Variants in TTLL5 observed in about 807,000 individuals in gnomAD.
TTLL5 encodes the protein tubulin polyglutamylase TTLL5.
In TTLL5, 132 loss-of-function variants were observed where a neutral mutation model predicts 168.4. That is an observed-to-expected ratio of 0.78 (90% CI 0.68 to 0.91). TTLL5 has a LOEUF of 0.91. TTLL5 is among the 40% of genes least tolerant of loss of function. The pLI is 0.00. For missense variants in TTLL5, 1,545 were observed against 1,581.5 expected, an observed-to-expected ratio of 0.98 and a Z score of 0.39; for synonymous variants, 546 against 558.6, an observed-to-expected ratio of 0.98 and a Z score of 0.32.
Position 75,776,736 on chromosome 14 carries a change from G to A in TTLL5, c.2284-11G>A. ...CTTGTTGTTTTTCTGTGGGGTTTGG[G>A]CACTGGGTAGGAAACAGAACAAATG... On this transcript the variant is annotated splice_polypyrimidine_tract_variant and intron_variant, in intron 22 of 31. Coordinates refer to ENST00000298832, the MANE Select transcript of TTLL5 (RefSeq NM_015072.5). 6.2e-7 allele frequency: 1 copy of A among 1,607,996 alleles called. No homozygotes were observed. The highest frequency in any genetic ancestry group is 8.5e-7 in the Non-Finnish European group (1 of 1,176,006).
rs776026435 is a variant in TTLL5, at chr14:75,757,846, A to G, written c.1550+4891A>G. On this transcript the variant is annotated intron_variant, in intron 18 of 31. Transcript: ENST00000298832. ...GCTTCTGTAGGGGAAACCCAAGAAGAAGCTTATTGACAGGAAGAACACGGT... is the reference window on the plus strand; with the variant it reads ...GCTTCTGTAGGGGAAACCCAAGAAGGAGCTTATTGACAGGAAGAACACGGT... 4.4e-6 allele frequency: 7 copies of G among 1,592,898 alleles called. No homozygotes were observed. The African/African-American group carries it at 8.0e-5, about 18-fold the overall frequency.
Position 75,820,174 on chromosome 14 carries a change from C to A in TTLL5, c.3326+13C>A. The A allele has an allele frequency of 6.4e-7, 1 of 1,562,626 alleles. No individual in the cohort carries two copies. The highest frequency in any genetic ancestry group is 2.4e-5 in the East Asian group (1 of 41,792). ...CTCCTGGAAGCAGGTATGTGAAGGG[C>A]CCTGCAACTAGCATTTGGGTTACTC... is the stretch of plus-strand genomic sequence containing the variant. On this transcript the variant is annotated intron_variant, in intron 28 of 31. Coordinates refer to ENST00000298832, the MANE Select transcript of TTLL5 (RefSeq NM_015072.5).
At chr14:75,667,864 G>A (rs1347853077) in intron 2 of TTLL5, among the ~76,000 whole-genome samples, 1 of 145,606 alleles carries the variant, frequency 6.9e-6, no homozygotes, top group Non-Finnish European at 1.5e-5. Flanking sequence ...AGGTTCAACT[G>A]ATTCTTCTGC....
At chr14:75,720,321 G>T (rs1887763160) in intron 11 of TTLL5, among the ~76,000 whole-genome samples, 1 of 152,282 alleles carries the variant, frequency 6.6e-6, no homozygotes, top group Middle Eastern at 3.4e-3. Context: ...GGTCATAGGG[G>T]AAGTGTGAGA....
intron 31 of TTLL5, among the ~76,000 whole-genome samples, chr14:75,903,375 A>G (rs1254792313): frequency 6.6e-6 from 1 of 151,918 alleles, no homozygotes; most frequent in Non-Finnish European, 1.5e-5. Flanking sequence ...GGGAAGTGAA[A>G]ACGTGCTGTG....
At chr14:75,683,885 TGCCTCA>T (rs1884822766) in intron 5 of TTLL5, 1 of 374,666 alleles carries the variant, frequency 2.7e-6, no homozygotes, top group Non-Finnish European at 5.1e-6. Flanking sequence ...GCAATTCTCC[TGCCTCA>T]GCCTACCCAG....
intron 3 of TTLL5, among the ~76,000 whole-genome samples, chr14:75,675,029 T>TA (rs1396043195): frequency 1.1e-4 from 16 of 152,156 alleles, no homozygotes; most frequent in African/African-American, 3.9e-4. Flanking sequence ...TTATAACTTT[T>TA]ATAGTTTAAA....
intron 30 of TTLL5, among the ~76,000 whole-genome samples, chr14:75,899,024 ATAGACT>A (rs1306654151): frequency 6.6e-6 from 1 of 152,206 alleles, no homozygotes; most frequent in Non-Finnish European, 1.5e-5. Flanking sequence ...CTGTATGTAG[ATAGACT>A]TATAGTGAAT....
chr14:75,666,131 TA>T (rs1883242512), intron 2 of TTLL5, among the ~76,000 whole-genome samples: 1 of 152,238 alleles, frequency 6.6e-6, no homozygotes. Context: ...TTAGGAAGCT[TA>T]AATCAATCTT....
chr14:75,824,460 T>G (rs936235278), intron 28 of TTLL5, among the ~76,000 whole-genome samples: 1 of 152,180 alleles, frequency 6.6e-6, no homozygotes, highest in Non-Finnish European at 1.5e-5. Flanking sequence ...GAGGGTCGTA[T>G]GCTCAGTGAA....
At chr14:75,765,541 T>C (rs1260799257) in intron 19 of TTLL5, among the ~76,000 whole-genome samples, 1 of 152,098 alleles carries the variant, frequency 6.6e-6, no homozygotes, top group East Asian at 1.9e-4. Context: ...ATGTATACTT[T>C]AATGAAGATT....
In TTLL5 at chr14:75,954,751, C is replaced by G; in HGVS notation, c.*305C>G. On this transcript the variant is annotated 3_prime_UTR_variant, in exon 32 of 32. Coordinates refer to ENST00000298832, the MANE Select transcript of TTLL5 (RefSeq NM_015072.5). ...TTTACCTTCCCTTTGCCCCATGCCC[C>G]CAAACTGCTTAGGTCTTCTCTGTCC... is the stretch of plus-strand genomic sequence containing the variant. 2.3e-6 allele frequency: 1 copy of G among 428,336 alleles called. No homozygotes were observed. Among genetic ancestry groups the G allele is most frequent in the South Asian group, 4.5e-5 (1 of 22,060 alleles). The allele number at this position is 428,336 out of a possible 1,614,324, so 26.5% of individuals were successfully genotyped here.
At chr14:75,810,030 T>C (rs1477885794) in intron 27 of TTLL5, among the ~76,000 whole-genome samples, 1 of 152,188 alleles carries the variant, frequency 6.6e-6, no homozygotes, top group Non-Finnish European at 1.5e-5. Flanking sequence ...GTTGTATTTT[T>C]AGCTTTTTGA....
At chr14:75,922,323 A>C (rs1345104114) in intron 31 of TTLL5, among the ~76,000 whole-genome samples, 6 of 152,152 alleles carry the variant, frequency 3.9e-5, no homozygotes, top group Admixed American at 3.9e-4. Flanking sequence ...TTTCAAAGGG[A>C]ATGCTTCCAG....
At chr14:75,693,077 G>A (rs1441888977) in intron 6 of TTLL5, among the ~76,000 whole-genome samples, 3 of 152,188 alleles carry the variant, frequency 2.0e-5, no homozygotes, top group Non-Finnish European at 4.4e-5. Context: ...AAGAACCCCA[G>A]TAGAAGGGTG....
chr14:75,840,129 A>G (rs1321433449), intron 28 of TTLL5, among the ~76,000 whole-genome samples: 1 of 152,062 alleles, frequency 6.6e-6, no homozygotes, highest in Non-Finnish European at 1.5e-5. Flanking sequence ...GTCACATCCA[A>G]GAAATCATTG....
rs1359166382 is a variant in TTLL5, at chr14:75,764,613, A to G, written c.1551-2A>G. 1.2e-6 allele frequency: 2 copies of G among 1,614,056 alleles called. No individual in the cohort carries two copies. Among genetic ancestry groups the G allele is most frequent in the South Asian group, 1.1e-5 (1 of 91,070 alleles). Reference sequence around the variant, plus strand: ...ATAGCTACCATGTTGCTTTTCCCCTAGAATGACTGCTGATGGAGCGCCAGA... The same window carrying G: ...ATAGCTACCATGTTGCTTTTCCCCTGGAATGACTGCTGATGGAGCGCCAGA... On this transcript the variant is annotated splice_acceptor_variant, in intron 18 of 31. Transcript: ENST00000298832. LOFTEE classifies it high-confidence loss of function.
intron 31 of TTLL5, among the ~76,000 whole-genome samples, chr14:75,905,585 T>G (rs996093680): frequency 6.6e-6 from 1 of 152,224 alleles, no homozygotes; most frequent in African/African-American, 2.4e-5. Flanking sequence ...AGGGAAGTTT[T>G]AGAGTCAGCA....
At chr14:75,758,523 A>C (rs888302399) in intron 18 of TTLL5, among the ~76,000 whole-genome samples, 1 of 152,210 alleles carries the variant, frequency 6.6e-6, no homozygotes, top group African/African-American at 2.4e-5. Context: ...TTAAACATTA[A>C]GAATAAATGA....
Sources: allele counts gnomAD v4.1 joint callset (sites outside exome capture counted in the v4.1 genomes callset), GRCh38; gene constraint gnomAD v4.1.1; transcripts MANE v1.5; gene names NCBI Gene and HGNC (gene_info 2026-07-23, HGNC 2026-07-21).